Variants in CNEP1R1 observed in about 807,000 individuals in gnomAD.
CNEP1R1 encodes the protein CTD nuclear envelope phosphatase 1 regulatory subunit 1, also known as nuclear envelope phosphatase-regulatory subunit 1.
A neutral mutation model predicts 22.7 loss-of-function variants in CNEP1R1; 10 were observed. That is an observed-to-expected ratio of 0.44 (90% CI 0.27 to 0.75). The LOEUF (loss-of-function observed/expected upper bound fraction) is 0.75. Among genes scored for constraint, CNEP1R1 ranks in the 30% least tolerant of loss-of-function variants. The pLI is 0.17. For synonymous variants in CNEP1R1, 53 were observed against 50.1 expected (o/e 1.06, Z -0.25); for missense variants, 73 against 151.5 (o/e 0.48, Z 2.72).
At position 50,026,481 on chromosome 16, in the gene CNEP1R1, T is replaced by A; in HGVS notation, c.97+14T>A. 6.3e-7 allele frequency: 1 copy of A among 1,586,446 alleles called. No homozygotes were observed. ...GACGCTGGAGAAGTAAGTTCCTGAATGTTATTTTAAGGGAAAACTAACAAT... is the reference window on the plus strand; with the variant it reads ...GACGCTGGAGAAGTAAGTTCCTGAAAGTTATTTTAAGGGAAAACTAACAAT... On this transcript the variant is annotated intron_variant, in intron 2 of 5. Transcript: ENST00000427478.
At chr16:50,034,453 GTTGT>G (rs554376121) in intron 5 of CNEP1R1, 203 of 361,874 alleles carry the variant, frequency 5.6e-4, no homozygotes, top group African/African-American at 3.5e-3. Flanking sequence ...AAGTACAGTG[GTTGT>G]TTGTTATTGA....
At chr16:50,025,599 C>T in intron 1 of CNEP1R1, 1 of 1,495,016 alleles carries the variant, frequency 6.7e-7, no homozygotes. Context: ...CTGGCAGACA[C>T]TTGCACTTCG....
chr16:50,031,609 T>C (rs2036231598), intron 3 of CNEP1R1, among the ~76,000 whole-genome samples: 1 of 152,190 alleles, frequency 6.6e-6, no homozygotes, highest in Non-Finnish European at 1.5e-5. Flanking sequence ...GGCCCAAAAC[T>C]ATGTAGTTAA....
intron 1 of CNEP1R1, chr16:50,025,774 G>A (rs889528943): frequency 1.5e-6 from 2 of 1,325,154 alleles, no homozygotes; most frequent in South Asian, 1.2e-5. Context: ...CCACTCACTC[G>A]GAGCAGCTTA....
At chr16:50,025,655 G>T (rs2036175082) in intron 1 of CNEP1R1, 3 of 1,613,750 alleles carry the variant, frequency 1.9e-6, no homozygotes, top group Non-Finnish European at 2.5e-6. Flanking sequence ...TCACAGCCCC[G>T]CGAGTTGTAT....
chr16:50,025,811 G>T, intron 1 of CNEP1R1: 3 of 904,896 alleles, frequency 3.3e-6, no homozygotes, highest in Non-Finnish European at 5.3e-6. Flanking sequence ...AGAACTAGGC[G>T]CTGCCTGGGT....
intron 3 of CNEP1R1, among the ~76,000 whole-genome samples, chr16:50,032,634 T>G (rs999253526): frequency 6.6e-6 from 1 of 152,190 alleles, no homozygotes; most frequent in Non-Finnish European, 1.5e-5. Flanking sequence ...TGTGGAAATA[T>G]GGCAGGAGAT....
At chr16:50,034,080 TC>T in intron 4 of CNEP1R1, 21 bp from the exon 5 acceptor site, 1 of 1,575,344 alleles carries the variant, frequency 6.3e-7, no homozygotes, top group Non-Finnish European at 8.6e-7. Flanking sequence ...TGAGAAATTT[TC>T]CTTTGACCAC....
In CNEP1R1 at chr16:50,036,483, A is replaced by G. The variant is rs2036280406; in HGVS notation, c.*1025A>G. 6.6e-6 allele frequency: 1 copy of G among 152,164 alleles called. No individual in the cohort carries two copies. Among genetic ancestry groups the G allele is most frequent in the Non-Finnish European group, 1.5e-5 (1 of 68,032 alleles). The allele number at this position is 152,164 out of a possible 1,614,324, so 9.4% of individuals were successfully genotyped here. A position where few individuals can be genotyped will look rare whatever the true frequency, so the allele number is the denominator to read the frequency against. On this transcript the variant is annotated 3_prime_UTR_variant, in exon 6 of 6. Coordinates refer to ENST00000427478, the MANE Select transcript of CNEP1R1 (RefSeq NM_001281789.2). ...TACCCTAAAGGCTTGTGAATATACAAGTCTACTGATAAATTATGTATTGTC... is the reference window on the plus strand; with the variant it reads ...TACCCTAAAGGCTTGTGAATATACAGGTCTACTGATAAATTATGTATTGTC...
intron 5 of CNEP1R1, 61 bp downstream of exon 5, chr16:50,034,217 T>G: frequency 1.7e-6 from 2 of 1,160,196 alleles, no homozygotes; most frequent in Non-Finnish European, 2.5e-6. Context: ...ATTTTTGGCT[T>G]TAGAAAGGTA....
intron 2 of CNEP1R1, among the ~76,000 whole-genome samples, chr16:50,027,768 T>G (rs2036199154): frequency 1.3e-5 from 2 of 152,074 alleles, no homozygotes; most frequent in African/African-American, 4.8e-5. Context: ...CAAAGCATAA[T>G]TGTGCTGCTT....
At chr16:50,027,056 C>T (rs901431403) in intron 2 of CNEP1R1, among the ~76,000 whole-genome samples, 25 of 152,102 alleles carry the variant, frequency 1.6e-4, no homozygotes, top group African/African-American at 5.8e-4. Context: ...TTCAGTAGCC[C>T]GTTTAGCAGT....
intron 3 of CNEP1R1, among the ~76,000 whole-genome samples, chr16:50,030,593 A>G (rs777111883): frequency 1.3e-5 from 2 of 152,236 alleles, no homozygotes; most frequent in African/African-American, 2.4e-5. Flanking sequence ...AGTCAGGACT[A>G]GATAAAAACA....
At chr16:50,034,379 TTAATC>T (rs1380888652) in intron 5 of CNEP1R1, 3 of 511,274 alleles carry the variant, frequency 5.9e-6, no homozygotes, top group Non-Finnish European at 1.1e-5. Context: ...AGTTGACAAT[TTAATC>T]TTTCTTAATG....
intron 4 of CNEP1R1, 43 bp from the exon 5 acceptor site, chr16:50,034,059 T>C: frequency 6.6e-7 from 1 of 1,506,296 alleles, no homozygotes. Flanking sequence ...CCTAAAAGCA[T>C]ACTCTTGAAA....
intron 5 of CNEP1R1, 156 bp downstream of exon 5, chr16:50,034,312 T>A: frequency 1.2e-5 from 7 of 590,022 alleles, no homozygotes; most frequent in Non-Finnish European, 2.1e-5. Flanking sequence ...CTTTTACATT[T>A]AACATCTTTG....
Position 50,036,852 on chromosome 16 carries a change from G to T in CNEP1R1, c.*1394G>T, listed in dbSNP as rs2036284064. On this transcript the variant is annotated 3_prime_UTR_variant, in exon 6 of 6. Transcript: ENST00000427478. ...TCTTTTAAATTTCATTTAACATAAA[G>T]CTGAAAATTCAATAACAGGATAAAA... The T allele has an allele frequency of 6.6e-6, 1 of 152,550 alleles. No homozygotes were observed. The highest frequency in any genetic ancestry group is 3.2e-3 in the Middle Eastern group (1 of 314). 9.4% of individuals were successfully genotyped at this position (152,550 alleles called of 1,614,324 possible).
chr16:50,033,272 A>ATTCT, intron 3 of CNEP1R1, 125 bp from the exon 4 acceptor site: 1 of 450,850 alleles, frequency 2.2e-6, no homozygotes, highest in Non-Finnish European at 3.9e-6. Flanking sequence ...GATTATTAGA[A>ATTCT]GTCTTCAAAT....
intron 4 of CNEP1R1, 55 bp from the exon 5 acceptor site, chr16:50,034,047 G>T: frequency 7.2e-7 from 1 of 1,382,264 alleles, no homozygotes; most frequent in Admixed American, 2.0e-5. Context: ...CACCGCACCC[G>T]GCCTAAAAGC....
Sources: gnomAD v4.1 joint callset for allele counts (sites outside exome capture counted in the v4.1 genomes callset) on GRCh38, gnomAD v4.1.1 for gene constraint, MANE v1.5 for transcripts, NCBI Gene and HGNC (gene_info 2026-07-23, HGNC 2026-07-21) for gene names.